Variants in API5 observed in about 807,000 individuals in gnomAD.
API5 encodes the protein FIF.
In API5, 6 loss-of-function variants were observed where a neutral mutation model predicts 71.9. The observed-to-expected ratio is 0.08, with a 90% CI of 0.05 to 0.16. API5 has a LOEUF of 0.16. Ranked by LOEUF, API5 falls within the 10% of genes least tolerant of loss-of-function variation. The pLI is 1.00. For synonymous variants in API5, 189 were observed against 221.3 expected, an observed-to-expected ratio of 0.85 and a Z score of 1.30; for missense variants, 332 against 612.8, an observed-to-expected ratio of 0.54 and a Z score of 4.84.
intron 1 of API5, among the ~76,000 whole-genome samples, chr11:43,316,309 T>C (rs1854667377): frequency 1.3e-5 from 2 of 152,208 alleles, no homozygotes; most frequent in Admixed American, 1.3e-4. Context: ...CTTCAATAAA[T>C]ATTGTTAATG....
intron 6 of API5, among the ~76,000 whole-genome samples, chr11:43,325,382 A>G (rs927478757): frequency 4.6e-5 from 7 of 152,248 alleles, no homozygotes; most frequent in Non-Finnish European, 8.8e-5. Flanking sequence ...ACAGTTTACA[A>G]ATGGATCACT....
At chr11:43,331,998 A>G (rs890317954) in intron 11 of API5, 2 of 152,224 alleles carry the variant, frequency 1.3e-5, no homozygotes, top group African/African-American at 4.8e-5. Flanking sequence ...TGTTGAATAT[A>G]CAATGTGTTA....
chr11:43,317,739 G>A (rs1441477619), intron 1 of API5, among the ~76,000 whole-genome samples: 1 of 152,156 alleles, frequency 6.6e-6, no homozygotes, highest in Non-Finnish European at 1.5e-5. Context: ...ATGCAGTGGT[G>A]CGATCTCAGC....
Position 43,324,560 on chromosome 11 carries a change from C to G in API5, c.750+924C>G, listed in dbSNP as rs1213613499. ...ACTTGAGGCTGAGTTCAAGACCAGC[C>G]TGGGCAACAGAGCAAGACCTTGTCT... On this transcript the variant is annotated intron_variant, in intron 6 of 13. Coordinates refer to ENST00000531273, the MANE Select transcript of API5 (RefSeq NM_001142930.2). Among the ~76,000 whole-genome samples, 6 of 152,212 alleles carry G rather than the reference C, an allele frequency of 3.9e-5. No individual in the cohort carries two copies. The East Asian group carries it at 1.2e-3, about 29-fold the overall frequency.
chr11:43,334,274 A>G (rs1855355791), intron 11 of API5, among the ~76,000 whole-genome samples: 1 of 152,150 alleles, frequency 6.6e-6, no homozygotes, highest in South Asian at 2.1e-4. Flanking sequence ...ATGAATCCCC[A>G]AACTATACGC....
Position 43,326,605 on chromosome 11 carries a change from G to A in API5, c.849G>A (p.Gln283=). The change falls in exon 7 of 14, where the codon CAG becomes CAA. Residue 283 remains glutamine (Q), a synonymous_variant. Coordinates refer to ENST00000531273, the MANE Select transcript of API5 (RefSeq NM_001142930.2). ...CCCCAGTGGAAGGTCTTGATATACA[G>A]TTGGAGGTAAGCAAAAATTTCAGCT... is the stretch of plus-strand genomic sequence containing the variant. The part of the protein sequence containing the change: ...LTTPVEGLDI[Q]LEVLKLLAEM... 6.3e-7 allele frequency: 1 copy of A among 1,599,114 alleles called. No homozygotes were observed. The highest frequency in any genetic ancestry group is 1.1e-5 in the South Asian group (1 of 89,092).
intron 13 of API5, among the ~76,000 whole-genome samples, chr11:43,340,762 C>T (rs1011954304): frequency 7.3e-5 from 11 of 151,630 alleles, no homozygotes; most frequent in Non-Finnish European, 1.3e-4. Context: ...AAACTAGATC[C>T]GCACCTCCCA....
At chr11:43,326,462 G>A (rs1465444576) in intron 6 of API5, 45 bp from the exon 7 acceptor site, 9 of 1,190,246 alleles carry the variant, frequency 7.6e-6, no homozygotes, top group East Asian at 2.3e-5. Context: ...ATATTTGAGC[G>A]AATATTTGTT....
intron 1 of API5, among the ~76,000 whole-genome samples, chr11:43,317,664 G>A (rs916421961): frequency 3.9e-5 from 6 of 152,058 alleles, no homozygotes; most frequent in African/African-American, 1.4e-4. Flanking sequence ...GAATTCTATG[G>A]TATTCATGAT....
intron 11 of API5, among the ~76,000 whole-genome samples, chr11:43,333,733 C>G (rs1855336003): frequency 6.6e-6 from 1 of 152,088 alleles, no homozygotes; most frequent in Non-Finnish European, 1.5e-5. Context: ...CTCTATCTCC[C>G]TCATTTAGTC....
chr11:43,314,293 A>G (rs1184936010), intron 1 of API5, among the ~76,000 whole-genome samples: 1 of 152,158 alleles, frequency 6.6e-6, no homozygotes, highest in Non-Finnish European at 1.5e-5. Flanking sequence ...AAGCTACAAC[A>G]GTGGTTGTGT....
chr11:43,315,271 A>T (rs1294903605), intron 1 of API5, among the ~76,000 whole-genome samples: 1 of 152,172 alleles, frequency 6.6e-6, no homozygotes, highest in East Asian at 1.9e-4. Flanking sequence ...AGCAGATCAA[A>T]TCCTCTTTTT....
intron 13 of API5, among the ~76,000 whole-genome samples, chr11:43,338,771 C>T (rs1407261987): frequency 6.6e-6 from 1 of 150,790 alleles, no homozygotes; most frequent in Non-Finnish European, 1.5e-5. Context: ...AACCTGAATT[C>T]ATATTAAAAT....
chr11:43,333,285 TATC>T (rs1352983708), intron 11 of API5, among the ~76,000 whole-genome samples: 4 of 152,284 alleles, frequency 2.6e-5, no homozygotes, highest in South Asian at 2.1e-4. Flanking sequence ...CTAGATTACT[TATC>T]ATACTTATCA....
intron 1 of API5, 157 bp from the exon 2 acceptor site, chr11:43,318,483 G>T: frequency 1.3e-6 from 2 of 1,537,220 alleles, no homozygotes; most frequent in Non-Finnish European, 1.7e-6. Flanking sequence ...AATTGGGAAG[G>T]TAAGTGTCAG....
intron 7 of API5, 89 bp downstream of exon 7, chr11:43,326,700 G>A (rs779150499): frequency 5.2e-6 from 4 of 763,166 alleles, no homozygotes; most frequent in Middle Eastern, 2.4e-4. Context: ...GATTTCTAAG[G>A]GAGCAGTTTA....
intron 11 of API5, among the ~76,000 whole-genome samples, chr11:43,330,905 G>A (rs1855230123): frequency 7.4e-6 from 1 of 135,510 alleles, no homozygotes; most frequent in African/African-American, 2.9e-5. Context: ...TGTAGGCTAG[G>A]GTATACCTTT....
At chr11:43,320,277 C>G (rs1432726956) in intron 2 of API5, among the ~76,000 whole-genome samples, 1 of 152,046 alleles carries the variant, frequency 6.6e-6, no homozygotes, top group Non-Finnish European at 1.5e-5. Flanking sequence ...AACTCCTGAC[C>G]TCGTGATCCA....
chr11:43,318,168 C>T (rs929891765), intron 1 of API5, among the ~76,000 whole-genome samples: 2 of 152,134 alleles, frequency 1.3e-5, no homozygotes, highest in Admixed American at 1.3e-4. Flanking sequence ...CACCACCACG[C>T]CTGGCTAATT....
Sources: allele counts gnomAD v4.1 joint callset (sites outside exome capture counted in the v4.1 genomes callset), GRCh38; gene constraint gnomAD v4.1.1; transcripts MANE v1.5; gene names NCBI Gene and HGNC (gene_info 2026-07-23, HGNC 2026-07-21).